Variants in FAT2 observed in about 807,000 individuals in gnomAD.
FAT2 encodes protocadherin Fat 2.
In FAT2, 150 loss-of-function variants were observed where a neutral mutation model predicts 295.3. That is an observed-to-expected ratio of 0.51 (90% CI 0.44 to 0.58). FAT2 has a LOEUF of 0.58. FAT2 is among the 20% of genes least tolerant of loss of function. FAT2 has a pLI of 0.00. For missense variants in FAT2, 4,868 were observed against 5,442.7 expected (o/e 0.89, Z 3.32); for synonymous variants, 2,026 against 2,150.3 (o/e 0.94, Z 1.60).
Position 151,546,110 on chromosome 5 carries a change from T to A in FAT2, c.5017A>T (p.Ile1673Phe), listed in dbSNP as rs570244883. The A allele has an allele frequency of 6.2e-7, 1 of 1,614,146 alleles. No individual in the cohort carries two copies. Among genetic ancestry groups the A allele is most frequent in the South Asian group, 1.1e-5 (1 of 91,074 alleles). Residue 1673 changes from isoleucine (I) to phenylalanine (F), a missense_variant, in exon 10 of 24, where the codon ATC becomes TTC. Physicochemically the swap from Ile to Phe is conservative, Grantham distance 21 (BLOSUM62 0). This residue lies in a region of FAT2 where 3,297 missense variants were observed against 3,669.4 expected (regional missense o/e 0.90). Transcript: ENST00000261800. ...AGGAGGATTGGGGAACCAACAGGGA[T>A]TGATTCAGGGATCTCTACAAAGTAC... The part of the protein sequence containing the change: ...SEYFVEIPES[I>F]PVGSPILLVS...
upstream of FAT2, among the ~76,000 whole-genome samples, chr5:151,592,918 T>C (rs988035337): frequency 1.3e-5 from 2 of 152,344 alleles, no homozygotes; most frequent in Middle Eastern, 3.4e-3. Flanking sequence ...GAGATGTTTA[T>C]GCAGCTGCTG....
rs780346134 is a variant in FAT2, at chr5:151,531,626, C to T, written c.9772G>A (p.Gly3258Arg). Residue 3258 changes from glycine (G) to arginine (R), a missense_variant, in exon 14 of 24, where the codon GGG becomes AGG. By Grantham distance (125) the Gly-to-Arg change is moderately radical. Around this residue, in one of 5 missense-constraint regions of FAT2, gnomAD observed 1,046 missense variants for 1,210.1 expected, o/e 0.86. Coordinates refer to ENST00000261800, the MANE Select transcript of FAT2 (RefSeq NM_001447.3). The surrounding 1 kb of genome is among the most constrained non-coding windows in gnomAD (Gnocchi z 5.7). ...AGGCGGAACCTGCCTTGCTCGTTCCCGCTGACCACGCGGTAGCCGGTCTTC... is the reference window on the plus strand; with the variant it reads ...AGGCGGAACCTGCCTTGCTCGTTCCTGCTGACCACGCGGTAGCCGGTCTTC... ...AEKTGYRVVS[G>R]NEQGRFRLDA... The T allele has an allele frequency of 1.2e-6, 2 of 1,613,318 alleles. No homozygotes were observed. The highest frequency in any genetic ancestry group is 1.7e-6 in the Non-Finnish European group (2 of 1,179,942).
chr5:151,566,921 C>T lies in FAT2; in HGVS notation c.2011G>A (p.Asp671Asn), dbSNP rs2127647053. The T allele has an allele frequency of 6.2e-7, 1 of 1,614,130 alleles. No homozygotes were observed. Among genetic ancestry groups the T allele is most frequent in the South Asian group, 1.1e-5 (1 of 91,074 alleles). The change falls in exon 2 of 24, where the codon GAT (aspartate) becomes AAT (asparagine). Residue 671 changes from aspartate (D) to asparagine (N), a missense_variant. Coordinates refer to ENST00000261800, the MANE Select transcript of FAT2 (RefSeq NM_001447.3). ...AATTGTGTCAATACCCCTGTTTTAT[C>T]ACATGTTACAGGAACTTCAAAATGA... ...DPHFEVPVTCDKTGVLTQFTK... is the reference protein window; with the variant it reads ...DPHFEVPVTCNKTGVLTQFTK...
Position 151,543,887 on chromosome 5 carries a change from G to A in FAT2, c.7240C>T (p.Leu2414=). 6.2e-7 allele frequency: 1 copy of A among 1,614,206 alleles called. No homozygotes were observed. The highest frequency in any genetic ancestry group is 8.5e-7 in the Non-Finnish European group (1 of 1,180,038). Reference sequence around the variant, plus strand: ...TTGCCAGAAAGAATCAGGTACTCCAGGCGGGAGGTGTCTCTGCTGTCAGGG... The same window carrying A: ...TTGCCAGAAAGAATCAGGTACTCCAAGCGGGAGGTGTCTCTGCTGTCAGGG... ...IDPDSRDTSR[L]EYLILSGNQD... Residue 2414 remains leucine, a synonymous_variant, in exon 10 of 24, where the codon CTG becomes TTG. Coordinates refer to ENST00000261800, the MANE Select transcript of FAT2 (RefSeq NM_001447.3).
intron 16 of FAT2, among the ~76,000 whole-genome samples, chr5:151,527,583 A>G (rs181848966): frequency 6.0e-4 from 91 of 152,312 alleles, no homozygotes; most frequent in African/African-American, 2.1e-3. Context: ...TTTGCTGGCA[A>G]TGAGACCTTG....
Position 151,568,442 on chromosome 5 carries a change from T to G in FAT2, c.490A>C (p.Lys164Gln). 1 of 1,614,160 alleles carries G rather than the reference T, an allele frequency of 6.2e-7. No individual in the cohort carries two copies. Among genetic ancestry groups the G allele is most frequent in the African/African-American group, 1.3e-5 (1 of 75,040 alleles). Residue 164 changes from lysine to glutamine, a missense_variant, in exon 2 of 24, where the codon AAG becomes CAG. Lys to Gln is a moderately conservative substitution (Grantham distance 53). Transcript: ENST00000261800. Reference protein sequence around the residue: ...RVTISEDMPLKSPICKVTATD... With the variant: ...RVTISEDMPLQSPICKVTATD... ...GCAGTCACCTTGCAGATGGGGCTCT[T>G]CAGGGGCATGTCCTCAGAGATGGTG...
At chr5:151,560,447 G>T (rs1561869253) in intron 3 of FAT2, among the ~76,000 whole-genome samples, 1 of 152,104 alleles carries the variant, frequency 6.6e-6, no homozygotes, top group Non-Finnish European at 1.5e-5. Context: ...CAAGATCAGG[G>T]TCTTCCTCCC....
intron 20 of FAT2, 141 bp downstream of exon 20, chr5:151,517,479 A>G: frequency 9.6e-7 from 1 of 1,039,768 alleles, no homozygotes; most frequent in Non-Finnish European, 1.4e-6. Context: ...CATGTGGCCC[A>G]ACAGTCACAC....
At chr5:151,540,331 T>G (rs142010651) in intron 11 of FAT2, among the ~76,000 whole-genome samples, 2 of 151,126 alleles carry the variant, frequency 1.3e-5, no homozygotes, top group African/African-American at 4.9e-5. Context: ...CAGAGATGGG[T>G]CCCTCGGTCC....
chr5:151,577,248 T>C (rs1360972970), intron 1 of FAT2, among the ~76,000 whole-genome samples: 1 of 152,190 alleles, frequency 6.6e-6, no homozygotes, highest in African/African-American at 2.4e-5. Context: ...GAGAAATGAA[T>C]ATTTGAAGGA....
intron 6 of FAT2, among the ~76,000 whole-genome samples, chr5:151,552,391 A>C (rs1351983144): frequency 1.3e-5 from 2 of 152,186 alleles, no homozygotes; most frequent in Non-Finnish European, 2.9e-5. Context: ...TAAGTTCAGG[A>C]GGTTCAAAGA....
At chr5:151,562,489 G>A (rs552952713) in intron 3 of FAT2, among the ~76,000 whole-genome samples, 1 of 152,274 alleles carries the variant, frequency 6.6e-6, no homozygotes, top group East Asian at 1.9e-4. Flanking sequence ...GAGGGACGCA[G>A]GCTGGGAGTA....
At chr5:151,520,924 CA>C (rs1753387728) in intron 19 of FAT2, among the ~76,000 whole-genome samples, 1 of 152,214 alleles carries the variant, frequency 6.6e-6, no homozygotes, top group East Asian at 1.9e-4. Flanking sequence ...CAGCCCAGCT[CA>C]AAGGCACAGA....
intron 11 of FAT2, 69 bp from the exon 12 acceptor site, chr5:151,538,015 G>A: frequency 1.4e-6 from 2 of 1,436,284 alleles, no homozygotes; most frequent in Non-Finnish European, 1.9e-6. Flanking sequence ...GAAGCAGAGT[G>A]ACTGACTGAG....
chr5:151,551,143 A>T (rs930432060), intron 7 of FAT2, among the ~76,000 whole-genome samples: 1 of 152,218 alleles, frequency 6.6e-6, no homozygotes, highest in African/African-American at 2.4e-5. Flanking sequence ...GAAACAGATA[A>T]AACACTGGCT....
chr5:151,534,470 G>C lies in FAT2; in HGVS notation c.9366C>G (p.Val3122=). ...GGGTCTTCACTGTGGTGTTGTCGAAGACAGCCACAGCACAGTGGCTGGGGA... is the reference window on the plus strand; with the variant it reads ...GGGTCTTCACTGTGGTGTTGTCGAACACAGCCACAGCACAGTGGCTGGGGA... ...RFFPSHCAVA[V]FDNTTVKTPV... Residue 3122 remains valine, a synonymous_variant, in exon 13 of 24, where the codon GTC becomes GTG. Coordinates refer to ENST00000261800, the MANE Select transcript of FAT2 (RefSeq NM_001447.3). The C allele has an allele frequency of 6.2e-7, 1 of 1,613,962 alleles. No homozygotes were observed. The highest frequency in any genetic ancestry group is 8.5e-7 in the Non-Finnish European group (1 of 1,179,998).
At position 151,544,998 on chromosome 5, in the gene FAT2, C is replaced by T. The variant is rs1484990809; in HGVS notation, c.6129G>A (p.Arg2043=). 6.2e-7 allele frequency: 1 copy of T among 1,614,012 alleles called. No individual in the cohort carries two copies. Among genetic ancestry groups the T allele is most frequent in the Admixed American group, 1.7e-5 (1 of 59,996 alleles). The change falls in exon 10 of 24, where the codon AGG becomes AGA. Residue 2043 remains arginine, a synonymous_variant. Coordinates refer to ENST00000261800, the MANE Select transcript of FAT2 (RefSeq NM_001447.3). ...CCACCCGCTGAGGTGTCCGATTGTC[C>T]CTCACTTCCACTGCCAACTCATGAG... ...QDTHELAVEV[R]DNRTPQRVAQ... is the part of the protein sequence containing the mutation.
At chr5:151,562,152 A>C (rs1758041890) in intron 3 of FAT2, among the ~76,000 whole-genome samples, 1 of 152,156 alleles carries the variant, frequency 6.6e-6, no homozygotes, top group Non-Finnish European at 1.5e-5. Context: ...GCAAATAGGC[A>C]CTTACATCTC....
In FAT2 at chr5:151,545,101, G is replaced by A. The variant is rs1756494283; in HGVS notation, c.6026C>T (p.Thr2009Ile). The change falls in exon 10 of 24, where the codon ACA becomes ATA. Residue 2009 changes from threonine (T) to isoleucine (I), a missense_variant. Transcript: ENST00000261800. ...TGACTGGACCATATGAAACATATCT[G>A]TGCCATTCAAGAGAAAGTAGGAAAG... ...DTLSYFLLNG[T>I]DMFHMVQSAG... is the part of the protein sequence containing the mutation. 1.2e-6 allele frequency: 2 copies of A among 1,614,168 alleles called. No individual in the cohort carries two copies. Among genetic ancestry groups the A allele is most frequent in the Non-Finnish European group, 1.7e-6 (2 of 1,180,038 alleles).
Sources: gnomAD v4.1 joint callset for allele counts (sites outside exome capture counted in the v4.1 genomes callset) on GRCh38, gnomAD v4.1.1 for gene constraint, gnomAD v4.1.1 regional missense constraint, Gnocchi (gnomAD v3.1) non-coding constraint, MANE v1.5 for transcripts, NCBI Gene and HGNC (gene_info 2026-07-23, HGNC 2026-07-21) for gene names.